ATP6V1B1: variants seen among roughly 807,000 people sequenced by gnomAD.
The protein encoded by ATP6V1B1 is ATPase H+ transporting V1 subunit B1.
A neutral mutation model predicts 62.1 loss-of-function variants in ATP6V1B1; 41 were observed. That is an observed-to-expected ratio of 0.66 (90% CI 0.51 to 0.86). The LOEUF (loss-of-function observed/expected upper bound fraction) is 0.86. ATP6V1B1 is among the 40% of genes least tolerant of loss of function. ATP6V1B1 has a pLI of 0.00. For synonymous variants in ATP6V1B1, 253 were observed against 273.4 expected (o/e 0.93, Z 0.74); for missense variants, 651 against 697.5 (o/e 0.93, Z 0.75).
chr2:70,964,759 G>A lies in ATP6V1B1; in HGVS notation c.1272G>A (p.Lys424=), dbSNP rs1421863551. ...AGTACGCCTGCTATGCCATCGGGAA[G>A]GACGTGCAGGCCATGAAGGCAGTAG... ...NQLYACYAIG[K]DVQAMKAVVG... Residue 424 remains lysine (K), a synonymous_variant, in exon 13 of 14, where the codon AAG becomes AAA. Coordinates refer to ENST00000234396, the MANE Select transcript of ATP6V1B1 (RefSeq NM_001692.4). The A allele has an allele frequency of 1.2e-6, 2 of 1,613,904 alleles. No individual in the cohort carries two copies. The highest frequency in any genetic ancestry group is 4.5e-5 in the East Asian group (2 of 44,884).
At chr2:70,956,661 T>C (rs558166369) in intron 2 of ATP6V1B1, among the ~76,000 whole-genome samples, 1 of 152,104 alleles carries the variant, frequency 6.6e-6, no homozygotes, top group African/African-American at 2.4e-5. Flanking sequence ...GGAGTACAGT[T>C]GCATGATCTT....
chr2:70,965,365 G>A lies in ATP6V1B1; in HGVS notation c.*244G>A. 1 of 588,958 alleles carries A rather than the reference G, an allele frequency of 1.7e-6. No homozygotes were observed. Among genetic ancestry groups the A allele is most frequent in the Non-Finnish European group, 3.0e-6 (1 of 332,136 alleles). 36.5% of individuals were successfully genotyped at this position (588,958 alleles called of 1,614,324 possible). A position where few individuals can be genotyped will look rare whatever the true frequency, so the allele number is the denominator to read the frequency against. ...GAAGGTTGCGATGCCTTACTCTGACGGGAGCATCTGTATTTTTATGTTAAA... is the reference window on the plus strand; with the variant it reads ...GAAGGTTGCGATGCCTTACTCTGACAGGAGCATCTGTATTTTTATGTTAAA... On this transcript the variant is annotated 3_prime_UTR_variant, in exon 14 of 14. Coordinates refer to ENST00000234396, the MANE Select transcript of ATP6V1B1 (RefSeq NM_001692.4).
chr2:70,938,533 C>G (rs552504473), intron 1 of ATP6V1B1: 28 of 985,038 alleles, frequency 2.8e-5, no homozygotes, highest in Admixed American at 1.8e-4. Context: ...TCCCCTCCCC[C>G]GGGGGAGGTG....
At chr2:70,936,665 C>T (rs1679860936) in intron 1 of ATP6V1B1, among the ~76,000 whole-genome samples, 1 of 152,092 alleles carries the variant, frequency 6.6e-6, no homozygotes, top group South Asian at 2.1e-4. Flanking sequence ...AAATGTGTGA[C>T]TGCATGCTTA....
At chr2:70,950,169 C>CT (rs1553418040) in intron 2 of ATP6V1B1, among the ~76,000 whole-genome samples, 1 of 152,026 alleles carries the variant, frequency 6.6e-6, no homozygotes, top group East Asian at 1.9e-4. Flanking sequence ...TCCTTCTGGA[C>CT]TTTTTTTCTT....
intron 2 of ATP6V1B1, among the ~76,000 whole-genome samples, chr2:70,949,195 G>C (rs544808256): frequency 2.3e-4 from 35 of 152,052 alleles, no homozygotes; most frequent in Admixed American, 1.2e-3. Flanking sequence ...GTTGACCTCG[G>C]GGTCAGTCCC....
intron 2 of ATP6V1B1, among the ~76,000 whole-genome samples, chr2:70,950,804 A>G (rs1251846747): frequency 6.6e-6 from 1 of 152,048 alleles, no homozygotes; most frequent in Non-Finnish European, 1.5e-5. Context: ...AACAATTTCA[A>G]TTTTATAAAA....
At chr2:70,942,147 T>A in intron 1 of ATP6V1B1, 1 of 684,786 alleles carries the variant, frequency 1.5e-6, no homozygotes, top group East Asian at 3.4e-5. Flanking sequence ...AGGGCCTGTT[T>A]CCCGGTGCAG....
At chr2:70,948,862 G>T (rs1241831387) in intron 2 of ATP6V1B1, among the ~76,000 whole-genome samples, 3 of 152,148 alleles carry the variant, frequency 2.0e-5, no homozygotes, top group Admixed American at 2.0e-4. Flanking sequence ...CGACCAGCAG[G>T]GGTTCCCTGG....
At chr2:70,944,639 C>T (rs1680101853) in intron 2 of ATP6V1B1, among the ~76,000 whole-genome samples, 1 of 151,676 alleles carries the variant, frequency 6.6e-6, no homozygotes, top group Admixed American at 6.6e-5. Context: ...GCCCAGGGCT[C>T]TCCAGTGCCC....
At chr2:70,952,962 T>C (rs1680354945) in intron 2 of ATP6V1B1, among the ~76,000 whole-genome samples, 1 of 152,130 alleles carries the variant, frequency 6.6e-6, no homozygotes, top group South Asian at 2.1e-4. Flanking sequence ...TATTTTTCTG[T>C]AGGGTTTGTT....
chr2:70,943,989 T>C (rs985491995), intron 2 of ATP6V1B1: 142 of 982,920 alleles, frequency 1.4e-4, no homozygotes, highest in Non-Finnish European at 1.7e-4. Flanking sequence ...TAACAAGCTG[T>C]CCTGCCTCCG....
In ATP6V1B1 at chr2:70,962,790, A is replaced by C. The variant is rs964492065; in HGVS notation, c.799A>C (p.Ile267Leu). The C allele has an allele frequency of 1.9e-6, 3 of 1,613,912 alleles. No individual in the cohort carries two copies. The African/African-American group carries it at 4.0e-5, about 22-fold the overall frequency. The stretch of plus-strand genomic sequence containing the variant: ...CTACACCTCCAGGATCGAGCGGATC[A>C]TCACCCCGCGCCTGGCGCTGACCAC... ...LANDPTIERIITPRLALTTAE... is the reference protein window; with the variant it reads ...LANDPTIERILTPRLALTTAE... Residue 267 changes from isoleucine to leucine, a missense_variant, in exon 9 of 14, where the codon ATC becomes CTC. Physicochemically the swap from Ile to Leu is conservative, Grantham distance 5. Transcript: ENST00000234396.
Position 70,965,158 on chromosome 2 carries a change from C to G in ATP6V1B1, c.*37C>G. ...GTGGCACCCCAACACCGGCAGGGAA[C>G]CTACCCTCGGCTCCCGGGTCTCCCC... On this transcript the variant is annotated 3_prime_UTR_variant, in exon 14 of 14. Transcript: ENST00000234396. 6.2e-7 allele frequency: 1 copy of G among 1,600,010 alleles called. No individual in the cohort carries two copies. The highest frequency in any genetic ancestry group is 8.5e-7 in the Non-Finnish European group (1 of 1,179,062).
chr2:70,936,375 T>C (rs1558666625), intron 1 of ATP6V1B1, among the ~76,000 whole-genome samples: 1 of 152,092 alleles, frequency 6.6e-6, no homozygotes, highest in Non-Finnish European at 1.5e-5. Context: ...CAGTTGCCCC[T>C]GAGAGTGGGG....
chr2:70,961,134 G>A, intron 7 of ATP6V1B1, 112 bp downstream of exon 7: 1 of 1,156,364 alleles, frequency 8.6e-7, no homozygotes. Context: ...GTCCCGGCCA[G>A]CCAGGAGGGG....
chr2:70,961,547 C>A, intron 7 of ATP6V1B1, 49 bp from the exon 8 acceptor site: 1 of 1,581,122 alleles, frequency 6.3e-7, no homozygotes, highest in Non-Finnish European at 8.7e-7. Context: ...CCAGGCCTTG[C>A]CCTCAGGCCA....
chr2:70,940,345 C>CCCCAACCCAA, intron 1 of ATP6V1B1: 25 of 902,756 alleles, frequency 2.8e-5, no homozygotes, highest in Non-Finnish European at 3.0e-5. Flanking sequence ...CCCACACCCC[C>CCCCAACCCAA]ACCTCCCTAT....
chr2:70,956,613 A>T (rs1362584912), intron 2 of ATP6V1B1, among the ~76,000 whole-genome samples: 1 of 151,832 alleles, frequency 6.6e-6, no homozygotes, highest in Non-Finnish European at 1.5e-5. Flanking sequence ...ATTTTATTTT[A>T]TTTTTTTGAG....
Sources: gnomAD v4.1 joint callset for allele counts (sites outside exome capture counted in the v4.1 genomes callset) on GRCh38, gnomAD v4.1.1 for gene constraint, MANE v1.5 for transcripts, NCBI Gene and HGNC (gene_info 2026-07-23, HGNC 2026-07-21) for gene names.